Variants in CLDN14 observed in about 807,000 individuals in gnomAD.
CLDN14 encodes the protein claudin-14.
In CLDN14, 2 loss-of-function variants were observed where a neutral mutation model predicts 2.1. The ratio of observed to expected loss-of-function variants is 0.96; its 90% confidence interval spans 0.39 to 3.01. The LOEUF (loss-of-function observed/expected upper bound fraction) is 3.01. Among genes scored for constraint, CLDN14 ranks in the 30% most tolerant of loss-of-function variants. The pLI is 0.09. For missense variants in CLDN14, 298 were observed against 328.0 expected (o/e 0.91, Z 0.71); for synonymous variants, 136 against 154.4 (o/e 0.88, Z 0.88).
intron 1 of CLDN14, among the ~76,000 whole-genome samples, chr21:36,514,622 AGTGTGTGTGT>A (rs34558148): frequency 1.4e-3 from 46 of 33,726 alleles, no homozygotes; most frequent in Non-Finnish European, 3.1e-3. Context: ...CGTGAGAGAA[AGTGTGTGTGT>A]GTGTGTGTGT....
chr21:36,484,244 T>G (rs1201523934), upstream of CLDN14, among the ~76,000 whole-genome samples: 1 of 152,250 alleles, frequency 6.6e-6, no homozygotes, highest in East Asian at 1.9e-4. Flanking sequence ...GCATGTCCAT[T>G]AGATTCTGGA....
At chr21:36,500,909 ATCATT>A (rs1184562849) in intron 2 of CLDN14, among the ~76,000 whole-genome samples, 9 of 152,356 alleles carry the variant, frequency 5.9e-5, no homozygotes, top group East Asian at 1.9e-4. Flanking sequence ...CTCCATTTAC[ATCATT>A]TCATTTCATC....
intron 2 of CLDN14, among the ~76,000 whole-genome samples, chr21:36,489,208 A>AAG (rs551064855): frequency 0.028 from 3,144 of 111,194 alleles, 52 homozygotes; most frequent in Admixed American, 0.057. Flanking sequence ...GAGAGAGAGA[A>AAG]AGAGAGAGAG....
chr21:36,495,575 T>G (rs925739305), intron 2 of CLDN14, among the ~76,000 whole-genome samples: 2 of 152,224 alleles, frequency 1.3e-5, no homozygotes, highest in Non-Finnish European at 2.9e-5. Context: ...GCCATGCACA[T>G]TCGATCAATG....
intron 1 of CLDN14, among the ~76,000 whole-genome samples, chr21:36,518,529 G>A (rs1428586551): frequency 6.6e-6 from 1 of 152,148 alleles, no homozygotes; most frequent in Non-Finnish European, 1.5e-5. Context: ...AATCTGGGAG[G>A]CGGCGGTTGT....
chr21:36,540,097 G>A (rs970293846), intron 1 of CLDN14, among the ~76,000 whole-genome samples: 5 of 150,628 alleles, frequency 3.3e-5, no homozygotes, highest in African/African-American at 9.8e-5. Context: ...GGTGTGGTCC[G>A]TGTGTGAAGT....
intron 1 of CLDN14, among the ~76,000 whole-genome samples, chr21:36,468,362 AG>A (rs755453968): frequency 6.6e-6 from 1 of 152,108 alleles, no homozygotes; most frequent in Non-Finnish European, 1.5e-5. Flanking sequence ...AGATCACCTG[AG>A]GTCGGGAGTT....
chr21:36,471,146 C>T (rs57457629), intron 1 of CLDN14, among the ~76,000 whole-genome samples: 2,164 of 152,230 alleles, frequency 0.014, 36 homozygotes, highest in African/African-American at 0.047. Flanking sequence ...GGTGGGAGGA[C>T]TGCATGATTC....
chr21:36,539,380 G>A (rs12626484), intron 1 of CLDN14, among the ~76,000 whole-genome samples: 33,989 of 146,352 alleles, frequency 0.23, 3,948 homozygotes, highest in African/African-American at 0.25. Flanking sequence ...GAGTGAGTGT[G>A]TGTGGAGTGA....
intron 1 of CLDN14, among the ~76,000 whole-genome samples, chr21:36,537,012 G>A (rs1219032573): frequency 6.6e-6 from 1 of 152,182 alleles, no homozygotes; most frequent in African/African-American, 2.4e-5. Context: ...CCAACATGGA[G>A]AGACCTCGTC....
At chr21:36,547,805 A>C (rs367793805) in intron 1 of CLDN14, among the ~76,000 whole-genome samples, 48 of 152,142 alleles carry the variant, frequency 3.2e-4, no homozygotes, top group African/African-American at 1.1e-3. Context: ...CATCTGCACC[A>C]CCCTCTGATC....
intron 1 of CLDN14, chr21:36,532,324 C>T (rs1027492553): frequency 6.6e-6 from 1 of 152,068 alleles, no homozygotes; most frequent in East Asian, 1.9e-4. Context: ...AGACTTTCAC[C>T]CATGCGGTTG....
At chr21:36,537,826 T>C (rs1168671085) in intron 1 of CLDN14, among the ~76,000 whole-genome samples, 1 of 152,136 alleles carries the variant, frequency 6.6e-6, no homozygotes, top group East Asian at 1.9e-4. Context: ...ATTTTTGTAT[T>C]TTTAGTAAAG....
At chr21:36,539,243 A>G (rs906405655) in intron 1 of CLDN14, among the ~76,000 whole-genome samples, 1 of 152,226 alleles carries the variant, frequency 6.6e-6, no homozygotes, top group Admixed American at 6.5e-5. Context: ...CCCACACTCA[A>G]GGTGTTTAAG....
chr21:36,494,394 C>T (rs533827920), intron 2 of CLDN14, among the ~76,000 whole-genome samples: 15 of 152,204 alleles, frequency 9.9e-5, no homozygotes, highest in South Asian at 4.1e-4. Context: ...GAGGGTCTCA[C>T]GAGGAGGAGA....
chr21:36,535,419 AAAT>A (rs979039380), intron 1 of CLDN14, among the ~76,000 whole-genome samples: 2 of 45,958 alleles, frequency 4.4e-5, no homozygotes, highest in Non-Finnish European at 1.9e-4. Context: ...TAAAAGTAAA[AAAT>A]AAAATACAAA....
intron 1 of CLDN14, among the ~76,000 whole-genome samples, chr21:36,479,183 C>A (rs892704527): frequency 6.6e-6 from 1 of 152,202 alleles, no homozygotes; most frequent in Non-Finnish European, 1.5e-5. Flanking sequence ...CAGATTCAGT[C>A]CTTCCTCCCA....
intron 2 of CLDN14, among the ~76,000 whole-genome samples, chr21:36,507,013 C>T (rs1051101154): frequency 6.6e-6 from 1 of 151,924 alleles, no homozygotes; most frequent in African/African-American, 2.4e-5. Flanking sequence ...GTTCTAGCTA[C>T]TCAGGAGGCT....
In CLDN14 at chr21:36,499,664, T is replaced by C. The variant is rs567938824; in HGVS notation, c.-82+10699A>G. 6.6e-6 allele frequency among the ~76,000 whole-genome samples: 1 copy of C among 152,172 alleles called. No homozygotes were observed. The highest frequency in any genetic ancestry group is 1.5e-5 in the Non-Finnish European group (1 of 68,034). On this transcript the variant is annotated intron_variant, in intron 2 of 2. Transcript: ENST00000342108. This position sits in a 1 kb window ranked among gnomAD's most constrained non-coding sequence, Gnocchi z 4.7. ...CCTGTTCCAGTCCACGTGACTCTTA[T>C]GCATCATGATGTTGAGATTCACTGA...
Sources: gnomAD v4.1 joint callset for allele counts (sites outside exome capture counted in the v4.1 genomes callset) on GRCh38, gnomAD v4.1.1 for gene constraint, Gnocchi (gnomAD v3.1) non-coding constraint, MANE v1.5 for transcripts, NCBI Gene and HGNC (gene_info 2026-07-23, HGNC 2026-07-21) for gene names.